Variants in CDH22 observed in about 807,000 individuals in gnomAD.
The protein encoded by CDH22 is cadherin-22.
CDH22 carries 30 observed loss-of-function variants against 58.4 expected under a neutral mutation model. That is an observed-to-expected ratio of 0.51 (90% CI 0.38 to 0.70). The LOEUF is 0.70. Among genes scored for constraint, CDH22 ranks in the 30% least tolerant of loss-of-function variants. The pLI is 0.00. For synonymous variants in CDH22, 513 were observed against 558.2 expected (o/e 0.92, Z 1.14); for missense variants, 1,014 against 1,233.9 (o/e 0.82, Z 2.67).
intron 1 of CDH22, among the ~76,000 whole-genome samples, chr20:46,305,695 G>C (rs139273694): frequency 1.3e-5 from 2 of 152,384 alleles, no homozygotes; most frequent in East Asian, 3.9e-4. Flanking sequence ...AAGAAAAAGG[G>C]GAGGGGGAAG....
At chr20:46,201,475 A>C (rs1365802176) in intron 7 of CDH22, among the ~76,000 whole-genome samples, 1 of 152,142 alleles carries the variant, frequency 6.6e-6, no homozygotes, top group African/African-American at 2.4e-5. Flanking sequence ...AAGCAGTCAG[A>C]GCTGGGTTTG....
chr20:46,177,405 C>T (rs189658807), intron 11 of CDH22, among the ~76,000 whole-genome samples: 44 of 152,182 alleles, frequency 2.9e-4, no homozygotes, highest in African/African-American at 8.9e-4. Context: ...TTGCCCCCCT[C>T]CCCCACCACC....
intron 9 of CDH22, 27 bp downstream of exon 9, chr20:46,186,799 G>T: frequency 6.3e-7 from 1 of 1,596,378 alleles, no homozygotes; most frequent in Non-Finnish European, 8.5e-7. Context: ...TGGAAGCAAC[G>T]CCCAGTCCCC....
At chr20:46,262,090 G>A (rs1272355186) in intron 1 of CDH22, among the ~76,000 whole-genome samples, 1 of 152,182 alleles carries the variant, frequency 6.6e-6, no homozygotes, top group African/African-American at 2.4e-5. Context: ...TGTGGAGCGA[G>A]AGACTAAATG....
chr20:46,267,268 A>G (rs2086465287), intron 1 of CDH22, among the ~76,000 whole-genome samples: 1 of 152,158 alleles, frequency 6.6e-6, no homozygotes, highest in Non-Finnish European at 1.5e-5. Context: ...GTGGTCCACA[A>G]GTTGTGGAAC....
intron 4 of CDH22, among the ~76,000 whole-genome samples, chr20:46,219,103 G>A (rs2086106638): frequency 6.6e-6 from 1 of 152,158 alleles, no homozygotes; most frequent in African/African-American, 2.4e-5. Flanking sequence ...GTGTACCTGT[G>A]GTAGGTAGCC....
At chr20:46,293,638 G>C (rs1410250650) in intron 1 of CDH22, among the ~76,000 whole-genome samples, 1 of 152,168 alleles carries the variant, frequency 6.6e-6, no homozygotes. Context: ...CCAGATCTCA[G>C]TTCCTGGTTT....
rs1320241240 is a variant in CDH22 at position 46,300,258 on chromosome 20, TC to T, written c.-400+7996del. ...TGCCTCTCCCAGGAACTCTCTGTTGTCCCTGAATACACAATTTCAGCCTCTG... is the reference window on the plus strand; with the variant it reads ...TGCCTCTCCCAGGAACTCTCTGTTGTCCTGAATACACAATTTCAGCCTCTG... On this transcript the variant is annotated intron_variant, in intron 1 of 11. Coordinates refer to ENST00000537909, the MANE Select transcript of CDH22 (RefSeq NM_021248.3). This position sits in a 1 kb window ranked among gnomAD's most constrained non-coding sequence, Gnocchi z 4.4. 2.6e-5 allele frequency among the ~76,000 whole-genome samples: 4 copies of T among 152,230 alleles called. No homozygotes were observed. Among genetic ancestry groups the T allele is most frequent in the African/African-American group, 9.6e-5 (4 of 41,520 alleles).
intron 1 of CDH22, among the ~76,000 whole-genome samples, chr20:46,272,424 T>C (rs1215963519): frequency 6.6e-6 from 1 of 152,182 alleles, no homozygotes; most frequent in Admixed American, 6.5e-5. Flanking sequence ...AAATCTGTAA[T>C]TCATCAGCAA....
At chr20:46,207,899 G>C (rs1161727667) in intron 7 of CDH22, among the ~76,000 whole-genome samples, 1 of 152,234 alleles carries the variant, frequency 6.6e-6, no homozygotes, top group African/African-American at 2.4e-5. Flanking sequence ...CCCAGTCTGA[G>C]AATCCATGAA....
intron 4 of CDH22, among the ~76,000 whole-genome samples, chr20:46,226,660 C>T (rs1369297322): frequency 6.6e-6 from 1 of 152,170 alleles, no homozygotes; most frequent in Non-Finnish European, 1.5e-5. Flanking sequence ...ATCTGCCTAT[C>T]CTCCTGCCCC....
rs2086644423 is a variant in CDH22 at position 46,300,054 on chromosome 20, C to G, written c.-400+8201G>C. On this transcript the variant is annotated intron_variant, in intron 1 of 11. Transcript: ENST00000537909. The surrounding 1 kb of genome is among the most constrained non-coding windows in gnomAD (Gnocchi z 4.4). ...AAAGGATTCAGTCTGCTCTGAGACACCATAGGGCCCTGGGCAAGTTCCAGC... is the reference window on the plus strand; with the variant it reads ...AAAGGATTCAGTCTGCTCTGAGACAGCATAGGGCCCTGGGCAAGTTCCAGC... Among the ~76,000 whole-genome samples, 1 of 152,182 alleles carries G rather than the reference C, an allele frequency of 6.6e-6. No homozygotes were observed. The highest frequency in any genetic ancestry group is 6.5e-5 in the Admixed American group (1 of 15,282).
intron 1 of CDH22, among the ~76,000 whole-genome samples, chr20:46,291,690 G>C (rs1483704646): frequency 6.6e-6 from 1 of 152,256 alleles, no homozygotes; most frequent in Non-Finnish European, 1.5e-5. Context: ...AACACAGCCA[G>C]GTCTGCCTGA....
intron 10 of CDH22, among the ~76,000 whole-genome samples, chr20:46,178,518 G>T (rs2085758393): frequency 6.7e-6 from 1 of 150,292 alleles, no homozygotes; most frequent in South Asian, 2.1e-4. Context: ...GTCCTCAGCT[G>T]TGCCAAGGTC....
At chr20:46,222,962 C>T (rs1600703475) in intron 4 of CDH22, among the ~76,000 whole-genome samples, 1 of 152,364 alleles carries the variant, frequency 6.6e-6, no homozygotes, top group African/African-American at 2.4e-5. Context: ...CAGAATATTC[C>T]TGGCTGGGGA....
Position 46,210,322 on chromosome 20 carries a change from G to A in CDH22, c.1271C>T (p.Ala424Val), listed in dbSNP as rs2086031978. ...GVVTARDPDA[A>V]NRPVRYAIDR... ...GGGGTCTCACCGGACGGGCCGGTTG[G>A]CGGCGTCGGGGTCCCGCGCCGTCAC... Residue 424 changes from alanine to valine, a missense_variant, in exon 7 of 12, where the codon GCC becomes GTC. Physicochemically the swap from Ala to Val is moderately conservative, Grantham distance 64. Transcript: ENST00000537909. The surrounding 1 kb of genome is among the most constrained non-coding windows in gnomAD (Gnocchi z 4.5). 1 of 1,450,442 alleles carries A rather than the reference G, an allele frequency of 6.9e-7. No homozygotes were observed. Among genetic ancestry groups the A allele is most frequent in the Non-Finnish European group, 9.0e-7 (1 of 1,106,624 alleles). 89.8% of individuals were successfully genotyped at this position (1,450,442 alleles called of 1,614,324 possible). A position where few individuals can be genotyped will look rare whatever the true frequency, so the allele number is the denominator to read the frequency against.
At chr20:46,250,922 G>T in intron 2 of CDH22, 118 bp downstream of exon 2, 1 of 657,576 alleles carries the variant, frequency 1.5e-6, no homozygotes, top group Non-Finnish European at 2.7e-6. Context: ...TGGCTAGGGA[G>T]CAGAAGAGGC....
At chr20:46,306,803 C>T (rs1056396738) in intron 1 of CDH22, among the ~76,000 whole-genome samples, 5 of 152,068 alleles carry the variant, frequency 3.3e-5, no homozygotes, top group Non-Finnish European at 5.9e-5. Context: ...CAAGTTTCAA[C>T]AAGGGCTGTA....
chr20:46,285,485 G>A (rs2086572270), intron 1 of CDH22, among the ~76,000 whole-genome samples: 1 of 152,158 alleles, frequency 6.6e-6, no homozygotes, highest in South Asian at 2.1e-4. Context: ...TCTAGTGGGT[G>A]GAGGGCAGGA....
Sources: gnomAD v4.1 joint callset for allele counts (sites outside exome capture counted in the v4.1 genomes callset) on GRCh38, gnomAD v4.1.1 for gene constraint, Gnocchi (gnomAD v3.1) non-coding constraint, MANE v1.5 for transcripts, NCBI Gene and HGNC (gene_info 2026-07-23, HGNC 2026-07-21) for gene names.